Variants in ARL15 observed in about 807,000 individuals in gnomAD.
ARL15 encodes the protein ARF like GTPase 15.
In ARL15, 19 loss-of-function variants were observed where a neutral mutation model predicts 25.2. That is an observed-to-expected ratio of 0.75 (90% confidence interval 0.53 to 1.10). The LOEUF (loss-of-function observed/expected upper bound fraction) is 1.10, where lower values mean the gene tolerates loss of function less well. Ranked by LOEUF, ARL15 falls within the 50% of genes least tolerant of loss-of-function variation. The pLI is 0.00. For missense variants in ARL15, 220 were observed against 246.0 expected, an observed-to-expected ratio of 0.89 and a Z score of 0.71; for synonymous variants, 94 against 86.8, an observed-to-expected ratio of 1.08 and a Z score of -0.46.
chr5:54,299,452 T>C (rs2112708417), intron 1 of ARL15, among the ~76,000 whole-genome samples: 1 of 152,316 alleles, frequency 6.6e-6, no homozygotes, highest in East Asian at 1.9e-4. Flanking sequence ...TTCTCTAAGC[T>C]TCAGTTTTCT....
chr5:54,004,959 C>T (rs531176838), intron 4 of ARL15, among the ~76,000 whole-genome samples: 2 of 152,212 alleles, frequency 1.3e-5, no homozygotes, highest in East Asian at 3.9e-4. Flanking sequence ...CAAGTGTTCT[C>T]TTTCTAGTTT....
chr5:54,260,557 C>A (rs1432514507), intron 1 of ARL15, among the ~76,000 whole-genome samples: 1 of 152,138 alleles, frequency 6.6e-6, no homozygotes, highest in Non-Finnish European at 1.5e-5. Context: ...AGAAATAAAT[C>A]CCAAGAGACC....
rs556785338 is a variant in ARL15 at position 53,988,068 on chromosome 5, A to T, written c.463-101355T>A. ...CAGTGAGCAGAGATCGGGCCACTGC[A>T]CTCCAGCCTGGGCGACAGAGTGAGA... On this transcript the variant is annotated intron_variant, in intron 4 of 4. Transcript: ENST00000504924. Among the ~76,000 whole-genome samples, 392 of 152,016 alleles carry T rather than the reference A, an allele frequency of 2.6e-3. 1 individual carries two copies. The highest frequency in any genetic ancestry group is 9.0e-3 in the African/African-American group (375 of 41,490).
rs1018289850 is a variant in ARL15 at position 54,076,591 on chromosome 5, T to C, written c.462+36611A>G. Reference sequence around the variant, plus strand: ...TACAAACTCTTTGAGAAAGTATTCTTCACTGCAGAATTAAATCACAAGTAA... The same window carrying C: ...TACAAACTCTTTGAGAAAGTATTCTCCACTGCAGAATTAAATCACAAGTAA... On this transcript the variant is annotated intron_variant, in intron 4 of 4. Coordinates refer to ENST00000504924, the MANE Select transcript of ARL15 (RefSeq NM_019087.3). Among the ~76,000 whole-genome samples, 8 of 151,306 alleles carry C rather than the reference T, an allele frequency of 5.3e-5. 1 individual carries two copies. The highest frequency in any genetic ancestry group is 1.7e-4 in the African/African-American group (7 of 41,320).
chr5:54,059,551 G>A (rs558172078), intron 4 of ARL15, among the ~76,000 whole-genome samples: 1 of 152,324 alleles, frequency 6.6e-6, no homozygotes, highest in African/African-American at 2.4e-5. Context: ...CACAGAGACA[G>A]AAAACAGTAT....
rs185275288 is a variant in ARL15, at chr5:54,001,096, T to C, written c.462+112106A>G. Among the ~76,000 whole-genome samples, 12 of 152,322 alleles carry C rather than the reference T, an allele frequency of 7.9e-5. No individual in the cohort carries two copies. The East Asian group carries it at 1.9e-3, about 24-fold the overall frequency. On this transcript the variant is annotated intron_variant, in intron 4 of 4. Coordinates refer to ENST00000504924, the MANE Select transcript of ARL15 (RefSeq NM_019087.3). ...TTTTAATGGTACTTTTTGCCCGACT[T>C]TGAACAATGGAATTTTTGTTTTGCA...
chr5:54,159,443 G>C (rs980960047), intron 2 of ARL15, among the ~76,000 whole-genome samples: 6 of 152,146 alleles, frequency 3.9e-5, no homozygotes, highest in Non-Finnish European at 7.4e-5. Flanking sequence ...CCACATTTTT[G>C]TCTTGCCTTG....
intron 1 of ARL15, among the ~76,000 whole-genome samples, chr5:54,277,770 G>T (rs751341610): frequency 3.9e-5 from 6 of 152,040 alleles, no homozygotes; most frequent in Non-Finnish European, 7.4e-5. Context: ...AAAGAGAAAA[G>T]AATAATTTCT....
At chr5:54,163,232 T>C (rs901601148) in intron 2 of ARL15, among the ~76,000 whole-genome samples, 2 of 152,074 alleles carry the variant, frequency 1.3e-5, no homozygotes, top group African/African-American at 4.8e-5. Flanking sequence ...AACTCTGCAT[T>C]CCTAGAATAA....
intron 3 of ARL15, among the ~76,000 whole-genome samples, chr5:54,125,248 G>A (rs958253127): frequency 6.6e-6 from 1 of 152,008 alleles, no homozygotes; most frequent in Non-Finnish European, 1.5e-5. Context: ...TGGTCAGGCT[G>A]GTCTCGAACT....
intron 4 of ARL15, among the ~76,000 whole-genome samples, chr5:54,104,397 T>C (rs763389392): frequency 7.2e-5 from 11 of 152,232 alleles, no homozygotes; most frequent in Non-Finnish European, 1.6e-4. Flanking sequence ...ATGCGCCTGT[T>C]AAAATGTTTC....
intron 1 of ARL15, among the ~76,000 whole-genome samples, chr5:54,210,152 C>T (rs1755996294): frequency 6.6e-6 from 1 of 152,148 alleles, no homozygotes; most frequent in African/African-American, 2.4e-5. Flanking sequence ...CAAAAATATG[C>T]TTTTTCTTTG....
intron 4 of ARL15, among the ~76,000 whole-genome samples, chr5:54,105,483 T>A (rs925433040): frequency 5.9e-5 from 9 of 152,208 alleles, no homozygotes; most frequent in African/African-American, 1.9e-4. Flanking sequence ...TATAAAATAT[T>A]TAAATATGCA....
chr5:54,300,295 C>T (rs1480603115), intron 1 of ARL15, among the ~76,000 whole-genome samples: 3 of 152,234 alleles, frequency 2.0e-5, no homozygotes, highest in African/African-American at 4.8e-5. Flanking sequence ...TGTAAGCCTT[C>T]GGCCTCAATA....
intron 4 of ARL15, among the ~76,000 whole-genome samples, chr5:54,049,460 T>C (rs1391538810): frequency 1.3e-5 from 2 of 152,104 alleles, no homozygotes; most frequent in Admixed American, 1.3e-4. Flanking sequence ...AATATACATC[T>C]TAAAGGATAT....
chr5:53,934,878 C>T (rs1746306304), intron 4 of ARL15, among the ~76,000 whole-genome samples: 1 of 152,188 alleles, frequency 6.6e-6, no homozygotes, highest in African/African-American at 2.4e-5. Context: ...AATATTCAAG[C>T]TGGTAACATC....
chr5:53,916,169 C>T (rs931392475), intron 4 of ARL15, among the ~76,000 whole-genome samples: 2 of 151,886 alleles, frequency 1.3e-5, no homozygotes, highest in Non-Finnish European at 2.9e-5. Context: ...AGATTACAGG[C>T]ATGAGGCACT....
intron 4 of ARL15, among the ~76,000 whole-genome samples, chr5:53,918,858 G>C (rs1050920483): frequency 2.6e-5 from 4 of 151,146 alleles, no homozygotes; most frequent in African/African-American, 9.7e-5. Flanking sequence ...TATTTTCGAA[G>C]GTCCATTAAA....
At chr5:54,156,334 C>T (rs552010665) in intron 2 of ARL15, among the ~76,000 whole-genome samples, 2 of 152,348 alleles carry the variant, frequency 1.3e-5, no homozygotes, top group South Asian at 2.1e-4. Flanking sequence ...CCTTGCTCGA[C>T]TTTCTCATCT....
Sources: gnomAD v4.1 joint callset for allele counts (sites outside exome capture counted in the v4.1 genomes callset) on GRCh38, gnomAD v4.1.1 for gene constraint, MANE v1.5 for transcripts, NCBI Gene and HGNC (gene_info 2026-07-23, HGNC 2026-07-21) for gene names.